The following FREM2 variants were observed in gnomAD, a reference collection of about 807,000 sequenced individuals.
FREM2 encodes FRAS1 related extracellular matrix 2.
In FREM2, 119 loss-of-function variants were observed where a neutral mutation model predicts 219.9. The ratio of observed to expected loss-of-function variants is 0.54; its 90% CI spans 0.47 to 0.63. The LOEUF (loss-of-function observed/expected upper bound fraction) is 0.63, where lower values mean the gene tolerates loss of function less well. Ranked by LOEUF, FREM2 falls within the 30% of genes least tolerant of loss-of-function variation. The pLI, the probability that FREM2 is intolerant of heterozygous loss-of-function variation, is 0.00. For synonymous variants in FREM2, 1,562 were observed against 1,522.8 expected, an observed-to-expected ratio of 1.03 and a Z score of -0.60; for missense variants, 4,030 against 3,993.6, an observed-to-expected ratio of 1.01 and a Z score of -0.25.
Position 38,851,779 on chromosome 13 carries a change from A to G in FREM2, c.6836A>G (p.Gln2279Arg). 1 of 1,613,862 alleles carries G rather than the reference A, an allele frequency of 6.2e-7. No individual in the cohort carries two copies. The highest frequency in any genetic ancestry group is 2.2e-5 in the East Asian group (1 of 44,852). ...SVVIRIPVIRQGDTSKVSIVR... is the reference protein window; with the variant it reads ...SVVIRIPVIRRGDTSKVSIVR... ...GTTATAAGAATTCCAGTGATTCGCC[A>G]AGGAGACACTTCAAAGGTTTCCATT... Residue 2279 changes from glutamine to arginine, a missense_variant, in exon 11 of 24, where the codon CAA becomes CGA. Physicochemically the swap from Gln to Arg is conservative, Grantham distance 43. Around this residue, in one of 2 missense-constraint regions of FREM2, gnomAD observed 3,102 missense variants for 2,950.7 expected, o/e 1.05. Coordinates refer to ENST00000280481, the MANE Select transcript of FREM2 (RefSeq NM_207361.6).
At chr13:38,765,472 G>A (rs1336449387) in intron 3 of FREM2, among the ~76,000 whole-genome samples, 1 of 152,082 alleles carries the variant, frequency 6.6e-6, no homozygotes, top group Non-Finnish European at 1.5e-5. Flanking sequence ...TAAAAAGTTA[G>A]TAAACCTATG....
chr13:38,768,151 A>T (rs1873514902), intron 3 of FREM2, among the ~76,000 whole-genome samples: 1 of 152,228 alleles, frequency 6.6e-6, no homozygotes, highest in South Asian at 2.1e-4. Context: ...TTCTAGTTTG[A>T]AGAACAAAAG....
Position 38,851,112 on chromosome 13 carries a change from A to G in FREM2, c.6742+4A>G. 2 of 1,613,222 alleles carry G rather than the reference A, an allele frequency of 1.2e-6. No homozygotes were observed. The highest frequency in any genetic ancestry group is 8.5e-7 in the Non-Finnish European group (1 of 1,179,838). On this transcript the variant is annotated splice_donor_region_variant and intron_variant, in intron 10 of 23. Coordinates refer to ENST00000280481, the MANE Select transcript of FREM2 (RefSeq NM_207361.6). ...AGGATCCGAGATGATGCTGATAGTA[A>G]GAAATCTTTTTTTGTTTGTTCAACT...
At chr13:38,709,185 T>A (rs2138092425) in intron 2 of FREM2, among the ~76,000 whole-genome samples, 1 of 152,288 alleles carries the variant, frequency 6.6e-6, no homozygotes, top group South Asian at 2.1e-4. Flanking sequence ...TCATGCACAC[T>A]CGCCTTTCCT....
chr13:38,731,818 C>T (rs945597361), intron 2 of FREM2, among the ~76,000 whole-genome samples: 9 of 152,264 alleles, frequency 5.9e-5, no homozygotes, highest in Admixed American at 1.3e-4. Flanking sequence ...TAAATGGCCT[C>T]GGTCAAGCTG....
At chr13:38,783,471 TATAA>T (rs749846375) in intron 5 of FREM2, among the ~76,000 whole-genome samples, 4 of 31,000 alleles carry the variant, frequency 1.3e-4, no homozygotes, top group Admixed American at 4.0e-4. Flanking sequence ...TGGGTTACTA[TATAA>T]AAAAAAAAAA....
Position 38,730,510 on chromosome 13 carries a change from AT to A in FREM2, c.5263+32725del, listed in dbSNP as rs554865925. On this transcript the variant is annotated intron_variant, in intron 2 of 23. Coordinates refer to ENST00000280481, the MANE Select transcript of FREM2 (RefSeq NM_207361.6). Reference sequence around the variant, plus strand: ...TTCTATCAGTGTGAATCAGTGTCCCATTCTGTGAGGAAGGAATGTTGGATTG... The same window carrying A: ...TTCTATCAGTGTGAATCAGTGTCCCATCTGTGAGGAAGGAATGTTGGATTG... 2.6e-5 allele frequency among the ~76,000 whole-genome samples: 4 copies of A among 152,296 alleles called. No individual in the cohort carries two copies. In the South Asian group the frequency reaches 8.3e-4, roughly 32 times the overall value.
intron 6 of FREM2, among the ~76,000 whole-genome samples, chr13:38,814,039 A>T (rs1196643749): frequency 6.6e-6 from 1 of 152,004 alleles, no homozygotes; most frequent in Non-Finnish European, 1.5e-5. Context: ...TTTCTGTTTG[A>T]TTCTTTTTTA....
At chr13:38,694,437 T>C (rs1294941999) in intron 1 of FREM2, among the ~76,000 whole-genome samples, 1 of 152,228 alleles carries the variant, frequency 6.6e-6, no homozygotes, top group Non-Finnish European at 1.5e-5. Context: ...TTATGGAGAT[T>C]AGATAAGTGA....
intron 5 of FREM2, among the ~76,000 whole-genome samples, chr13:38,783,730 C>A (rs540100910): frequency 3.9e-5 from 6 of 152,148 alleles, no homozygotes; most frequent in Non-Finnish European, 8.8e-5. Context: ...ATGCTGATAT[C>A]AGAGTAGACT....
chr13:38,810,041 CTTTG>C (rs943390729), intron 6 of FREM2, among the ~76,000 whole-genome samples: 24 of 151,892 alleles, frequency 1.6e-4, no homozygotes, highest in East Asian at 1.5e-3. Flanking sequence ...TCTTTCATTT[CTTTG>C]TTTAAGTTGA....
chr13:38,820,902 A>T lies in FREM2; in HGVS notation c.6020-25671A>T, dbSNP rs540756994. Among the ~76,000 whole-genome samples, 34 of 152,288 alleles carry T rather than the reference A, an allele frequency of 2.2e-4. No homozygotes were observed. The East Asian group carries it at 4.4e-3, about 20-fold the overall frequency. ...ATGCACCTATGGTCTACTGTTGAAAACATGTACCTCCATTACTAAACAGAC... is the reference window on the plus strand; with the variant it reads ...ATGCACCTATGGTCTACTGTTGAAATCATGTACCTCCATTACTAAACAGAC... On this transcript the variant is annotated intron_variant, in intron 6 of 23. Coordinates refer to ENST00000280481, the MANE Select transcript of FREM2 (RefSeq NM_207361.6).
At chr13:38,740,042 A>G (rs775175023) in intron 2 of FREM2, among the ~76,000 whole-genome samples, 3 of 151,522 alleles carry the variant, frequency 2.0e-5, no homozygotes, top group Non-Finnish European at 4.4e-5. Context: ...CAACCATTTG[A>G]AATTGTATAA....
rs765038424 is a variant in FREM2, at chr13:38,687,814, A to G, written c.470A>G (p.Tyr157Cys). The G allele has an allele frequency of 3.2e-6, 5 of 1,545,278 alleles. No individual in the cohort carries two copies. Among genetic ancestry groups the G allele is most frequent in the Admixed American group, 3.7e-5 (2 of 53,958 alleles). Residue 157 changes from tyrosine to cysteine, a missense_variant, in exon 1 of 24, where the codon TAT becomes TGT. Around this residue, in one of 2 missense-constraint regions of FREM2, gnomAD observed 3,102 missense variants for 2,950.7 expected, o/e 1.05. Transcript: ENST00000280481. ...GACCGCGTCCGGCTGCAGCTGCGCT[A>G]TGACGCGCCCGGAGGGGCAGTAGTG... Reference protein sequence around the residue: ...SRDRVRLQLRYDAPGGAVVLP... With the variant: ...SRDRVRLQLRCDAPGGAVVLP...
rs1379962888 is a variant in FREM2, at chr13:38,885,229, ACT to A, written c.*4449_*4450del. The stretch of plus-strand genomic sequence containing the variant: ...ACTTCTCCATAAGGAAAGAAAACTG[ACT>A]CTCTCTTGAACTAGTGTTGACAAAA... On this transcript the variant is annotated 3_prime_UTR_variant, in exon 24 of 24. Coordinates refer to ENST00000280481, the MANE Select transcript of FREM2 (RefSeq NM_207361.6). The A allele has an allele frequency of 6.6e-6, 1 of 152,044 alleles. No individual in the cohort carries two copies. Among genetic ancestry groups the A allele is most frequent in the Non-Finnish European group, 1.5e-5 (1 of 67,990 alleles). The allele number at this position is 152,044 out of a possible 1,614,324, so 9.4% of individuals were successfully genotyped here.
Position 38,708,745 on chromosome 13 carries a change from A to G in FREM2, c.5263+10958A>G, listed in dbSNP as rs189856585. Among the ~76,000 whole-genome samples, 10 of 152,218 alleles carry G rather than the reference A, an allele frequency of 6.6e-5. 1 individual carries two copies. The highest frequency in any genetic ancestry group is 2.4e-4 in the African/African-American group (10 of 41,534). ...GTAAATTTGATGTTGTCTCTACTTT[A>G]TAACTCTCAATGTTTTGTTTTGTTT... On this transcript the variant is annotated intron_variant, in intron 2 of 23. Transcript: ENST00000280481.
chr13:38,717,314 A>C (rs1871045749), intron 2 of FREM2, among the ~76,000 whole-genome samples: 1 of 151,960 alleles, frequency 6.6e-6, no homozygotes, highest in South Asian at 2.1e-4. Flanking sequence ...AAAGTTGAGA[A>C]TATGCAGTGC....
At chr13:38,833,631 A>G (rs1225307865) in intron 6 of FREM2, among the ~76,000 whole-genome samples, 1 of 152,184 alleles carries the variant, frequency 6.6e-6, no homozygotes, top group Non-Finnish European at 1.5e-5. Context: ...TGAGTTTACT[A>G]GCATATTTTA....
At position 38,872,788 on chromosome 13, in the gene FREM2, A is replaced by G. The variant is rs1375993232; in HGVS notation, c.8030A>G (p.Tyr2677Cys). Residue 2677 changes from tyrosine (Y) to cysteine (C), a missense_variant, in exon 17 of 24, where the codon TAT becomes TGT. Tyr to Cys is a radical substitution (Grantham distance 194). Coordinates refer to ENST00000280481, the MANE Select transcript of FREM2 (RefSeq NM_207361.6). Reference protein sequence around the residue: ...QSYVTLRVPLYVSYVFHSPVG... With the variant: ...QSYVTLRVPLCVSYVFHSPVG... ...TATGTGACCCTTCGAGTCCCTCTGT[A>G]TGTTTCCTACGTGTTCCATTCCCCC... The G allele has an allele frequency of 1.2e-6, 2 of 1,614,020 alleles. No individual in the cohort carries two copies. Among genetic ancestry groups the G allele is most frequent in the Admixed American group, 3.3e-5 (2 of 60,022 alleles).
Sources: gnomAD v4.1 joint callset for allele counts (sites outside exome capture counted in the v4.1 genomes callset) on GRCh38, gnomAD v4.1.1 for gene constraint, gnomAD v4.1.1 regional missense constraint, MANE v1.5 for transcripts, NCBI Gene and HGNC (gene_info 2026-07-23, HGNC 2026-07-21) for gene names.